RSBN1L: variants seen among roughly 807,000 people sequenced by gnomAD.
RSBN1L encodes the protein round spermatid basic protein 1 like, also known as lysine-specific demethylase RSBN1L.
Under a neutral mutation model 67.7 loss-of-function variants are expected in RSBN1L, and 30 were observed. That is an observed-to-expected ratio of 0.44 (90% CI 0.33 to 0.60). The LOEUF is 0.60. Ranked by LOEUF, RSBN1L falls within the 20% of genes least tolerant of loss-of-function variation. The pLI, the probability that RSBN1L is intolerant of heterozygous loss-of-function variation, is 0.02. For missense variants in RSBN1L, 992 were observed against 1,031.7 expected (o/e 0.96, Z 0.53); for synonymous variants, 433 against 387.0 (o/e 1.12, Z -1.39).
intron 6 of RSBN1L, 80 bp from the exon 7 acceptor site, chr7:77,778,258 A>T (rs551511025): frequency 1.2e-4 from 107 of 906,294 alleles, no homozygotes; most frequent in Non-Finnish European, 1.6e-4. Flanking sequence ...ACCATAAAGT[A>T]TTTTTGCTTT....
chr7:77,745,992 G>A (rs558133070), intron 2 of RSBN1L, among the ~76,000 whole-genome samples: 1 of 152,172 alleles, frequency 6.6e-6, no homozygotes, highest in Non-Finnish European at 1.5e-5. Flanking sequence ...AGTAATGTGA[G>A]CAATGGGGAA....
chr7:77,745,697 C>T (rs147147214), intron 2 of RSBN1L, among the ~76,000 whole-genome samples: 4 of 152,236 alleles, frequency 2.6e-5, no homozygotes, highest in South Asian at 2.1e-4. Context: ...GGGATGGTTT[C>T]GGGATGATTC....
Position 77,779,151 on chromosome 7 carries a change from G to T in RSBN1L, c.2524G>T (p.Asp842Tyr). The stretch of plus-strand genomic sequence containing the variant: ...ACATTCAAATCAAGATAAAAAAGAC[G>T]ATGACATTTTGTGCTAAATTTGCAT... ...SAHSNQDKKD[D>Y]DILC Residue 842 changes from aspartate to tyrosine, a missense_variant, in exon 8 of 8, where the codon GAT (aspartate) becomes TAT (tyrosine). Physicochemically the swap from Asp to Tyr is radical, Grantham distance 160. Around this residue, in one of 7 missense-constraint regions of RSBN1L, gnomAD observed 199 missense variants for 167.7 expected, o/e 1.19. Transcript: ENST00000334955. 6.3e-7 allele frequency: 1 copy of T among 1,580,464 alleles called. No individual in the cohort carries two copies.
At chr7:77,767,079 C>T (rs1442536934) in intron 4 of RSBN1L, among the ~76,000 whole-genome samples, 1 of 139,106 alleles carries the variant, frequency 7.2e-6, no homozygotes, top group African/African-American at 2.8e-5. Flanking sequence ...TTCCCTTCCC[C>T]TTCCCCTTCC....
chr7:77,710,632 G>A (rs1790959735), intron 1 of RSBN1L, among the ~76,000 whole-genome samples: 1 of 152,076 alleles, frequency 6.6e-6, no homozygotes. Flanking sequence ...GTCTCGCTCT[G>A]TTGCTCAGGT....
intron 1 of RSBN1L, among the ~76,000 whole-genome samples, chr7:77,706,418 C>T (rs972415012): frequency 6.6e-6 from 1 of 152,032 alleles, no homozygotes; most frequent in Non-Finnish European, 1.5e-5. Flanking sequence ...CCATGTTGGC[C>T]AGACTGGTCT....
In RSBN1L at chr7:77,749,634, G is replaced by C; in HGVS notation, c.914G>C (p.Gly305Ala). The change falls in exon 3 of 8, where the codon GGG becomes GCG. Residue 305 changes from glycine to alanine, a missense_variant. Physicochemically the swap from Gly to Ala is moderately conservative, Grantham distance 60. This residue lies in a region of RSBN1L where 575 missense variants were observed against 483.2 expected (regional missense o/e 1.19). Coordinates refer to ENST00000334955, the MANE Select transcript of RSBN1L (RefSeq NM_198467.3). ...AATGATAACATAAAAGATTACGTTG[G>C]GAAGAATTTGGATACCAAGAACTAT... ...ILNDNIKDYV[G>A]KNLDTKNYDS... 1 of 1,613,968 alleles carries C rather than the reference G, an allele frequency of 6.2e-7. No homozygotes were observed. Among genetic ancestry groups the C allele is most frequent in the East Asian group, 2.2e-5 (1 of 44,872 alleles).
At chr7:77,764,014 T>C (rs563124306) in intron 3 of RSBN1L, among the ~76,000 whole-genome samples, 7 of 152,312 alleles carry the variant, frequency 4.6e-5, no homozygotes, top group African/African-American at 1.7e-4. Flanking sequence ...TATGAAAACA[T>C]GTGGGTTGGG....
In RSBN1L at chr7:77,736,484, G is replaced by A. The variant is rs768974834; in HGVS notation, c.661G>A (p.Glu221Lys). Reference protein sequence around the residue: ...REKKKHKVMNEIKKENGEVKI... With the variant: ...REKKKHKVMNKIKKENGEVKI... ...AAAAAAGAAACATAAAGTAATGAAT[G>A]AGATCAAGAAAGAGAATGGAGAAGT... The change falls in exon 2 of 8, where the codon GAG becomes AAG. Residue 221 changes from glutamate (E) to lysine (K), a missense_variant. This residue lies in a region of RSBN1L where 575 missense variants were observed against 483.2 expected (regional missense o/e 1.19). Coordinates refer to ENST00000334955, the MANE Select transcript of RSBN1L (RefSeq NM_198467.3). 2.4e-6 allele frequency: 3 copies of A among 1,266,440 alleles called. No individual in the cohort carries two copies. Among genetic ancestry groups the A allele is most frequent in the Non-Finnish European group, 3.3e-6 (3 of 914,260 alleles). 78.5% of individuals were successfully genotyped at this position (1,266,440 alleles called of 1,614,324 possible). A position where few individuals can be genotyped will look rare whatever the true frequency, so the allele number is the denominator to read the frequency against.
chr7:77,746,008 G>T (rs974064218), intron 2 of RSBN1L, among the ~76,000 whole-genome samples: 2 of 152,228 alleles, frequency 1.3e-5, no homozygotes, highest in African/African-American at 4.8e-5. Context: ...GGGAATGGCT[G>T]TAATACAGAT....
intron 1 of RSBN1L, among the ~76,000 whole-genome samples, chr7:77,710,650 T>G (rs57572234): frequency 0.05 from 7,541 of 152,138 alleles, 391 homozygotes; most frequent in African/African-American, 0.13. Flanking sequence ...GGTTGGAGTG[T>G]AGTGGCGCGA....
intron 3 of RSBN1L, among the ~76,000 whole-genome samples, chr7:77,763,541 C>T (rs1177804588): frequency 2.6e-5 from 4 of 152,160 alleles, no homozygotes; most frequent in Non-Finnish European, 4.4e-5. Flanking sequence ...TCTTACTGTG[C>T]TGCTATTAAT....
intron 1 of RSBN1L, chr7:77,697,475 G>C (rs1790754132): frequency 6.2e-6 from 1 of 161,060 alleles, no homozygotes; most frequent in African/African-American, 2.4e-5. Context: ...GTGACACAGC[G>C]TTCAACCCCG....
intron 1 of RSBN1L, among the ~76,000 whole-genome samples, chr7:77,699,793 T>G (rs901001568): frequency 6.6e-6 from 1 of 151,628 alleles, no homozygotes; most frequent in Admixed American, 6.6e-5. Flanking sequence ...CAAAACAGTT[T>G]AGATTTTTTT....
chr7:77,737,984 C>G (rs1220425503), intron 2 of RSBN1L, among the ~76,000 whole-genome samples: 1 of 150,912 alleles, frequency 6.6e-6, no homozygotes, highest in Non-Finnish European at 1.5e-5. Flanking sequence ...GATCACCCCA[C>G]TGTACTCCAG....
chr7:77,717,547 T>C lies in RSBN1L; in HGVS notation c.587-18863T>C, dbSNP rs74937400. On this transcript the variant is annotated intron_variant, in intron 1 of 7. Coordinates refer to ENST00000334955, the MANE Select transcript of RSBN1L (RefSeq NM_198467.3). The stretch of plus-strand genomic sequence containing the variant: ...AATCTGAGATTAGCAGAGATAAATA[T>C]TTTTGGTTCTTAAATGCTGTGGCAA... Among the ~76,000 whole-genome samples the C allele has an allele frequency of 4.1e-4, 63 of 152,320 alleles. No individual in the cohort carries two copies. The East Asian group carries it at 0.011, about 27-fold the overall frequency.
At chr7:77,707,021 GA>G (rs1161687885) in intron 1 of RSBN1L, among the ~76,000 whole-genome samples, 1 of 146,816 alleles carries the variant, frequency 6.8e-6, no homozygotes, top group Non-Finnish European at 1.5e-5. Context: ...CATTAAACTA[GA>G]TTTTTTTTTT....
chr7:77,726,990 C>A (rs574207585), intron 1 of RSBN1L, among the ~76,000 whole-genome samples: 411 of 151,844 alleles, frequency 2.7e-3, no homozygotes, highest in Non-Finnish European at 4.7e-3. Flanking sequence ...ACCATGTTGG[C>A]CAGGATGGTC....
chr7:77,701,046 T>C (rs1006198111), intron 1 of RSBN1L, among the ~76,000 whole-genome samples: 1 of 150,876 alleles, frequency 6.6e-6, no homozygotes, highest in African/African-American at 2.4e-5. Flanking sequence ...TAGTCTCAGC[T>C]ACCTGGGAGG....
Sources: allele counts gnomAD v4.1 joint callset (sites outside exome capture counted in the v4.1 genomes callset), GRCh38; gene constraint gnomAD v4.1.1; regional missense constraint gnomAD v4.1.1; transcripts MANE v1.5; gene names NCBI Gene and HGNC (gene_info 2026-07-23, HGNC 2026-07-21).